Variants in DPY19L3 observed in about 807,000 individuals in gnomAD.
DPY19L3 encodes the protein dpy-19 like C-mannosyltransferase 3, also known as protein C-mannosyl-transferase DPY19L3.
A neutral mutation model predicts 92.3 loss-of-function variants in DPY19L3; 51 were observed. The observed-to-expected ratio is 0.55, with a 90% CI of 0.44 to 0.70. The LOEUF (loss-of-function observed/expected upper bound fraction) is 0.70, where lower values mean the gene tolerates loss of function less well. Among genes scored for constraint, DPY19L3 ranks in the 30% least tolerant of loss-of-function variants. The pLI, the probability that DPY19L3 is intolerant of heterozygous loss-of-function variation, is 0.00. For missense variants in DPY19L3, 706 were observed against 855.9 expected (o/e 0.82, Z 2.18); for synonymous variants, 309 against 315.2 (o/e 0.98, Z 0.21).
In DPY19L3 at chr19:32,454,971, G is replaced by T; in HGVS notation, c.1020G>T (p.Arg340Ser). 1.3e-6 allele frequency: 2 copies of T among 1,571,694 alleles called. No individual in the cohort carries two copies. The highest frequency in any genetic ancestry group is 1.2e-5 in the South Asian group (1 of 82,558). ...KNLKTGSFLN[R>S]LGKLLLHLFM... ...TGAAAACTGGAAGCTTCCTTAATAG[G>T]CTTGGGAAACTTTTGTTACATTTAT... Residue 340 changes from arginine (R) to serine (S), a missense_variant, in exon 10 of 19, where the codon AGG becomes AGT. Arg to Ser is a moderately radical substitution (Grantham distance 110). Coordinates refer to ENST00000392250, the MANE Select transcript of DPY19L3 (RefSeq NM_001172774.2).
At chr19:32,458,258 A>G in intron 11 of DPY19L3, 85 bp downstream of exon 11, 6 of 1,579,268 alleles carry the variant, frequency 3.8e-6, no homozygotes, top group Non-Finnish European at 5.2e-6. Context: ...TGTGCCTTCA[A>G]CTATTAATTG....
intron 8 of DPY19L3, among the ~76,000 whole-genome samples, chr19:32,448,806 C>G (rs987110746): frequency 6.6e-6 from 1 of 152,168 alleles, no homozygotes; most frequent in Admixed American, 6.5e-5. Flanking sequence ...TGTTTCTATA[C>G]TGTACTGTAC....
chr19:32,452,105 C>T (rs1007736234), intron 8 of DPY19L3, among the ~76,000 whole-genome samples: 5 of 152,196 alleles, frequency 3.3e-5, no homozygotes. Context: ...GGATTACAGG[C>T]ATTAGCCACC....
chr19:32,463,987 G>A lies in DPY19L3; in HGVS notation c.1557+7G>A. On this transcript the variant is annotated splice_region_variant and intron_variant, in intron 14 of 18. Transcript: ENST00000392250. Reference sequence around the variant, plus strand: ...TCTTTATAACCCAAAGAGGGTCAGTGTCATCCCTTTTTCCATCTCCTTTTA... The same window carrying A: ...TCTTTATAACCCAAAGAGGGTCAGTATCATCCCTTTTTCCATCTCCTTTTA... The A allele has an allele frequency of 6.3e-7, 1 of 1,581,264 alleles. No homozygotes were observed. Among genetic ancestry groups the A allele is most frequent in the Non-Finnish European group, 8.7e-7 (1 of 1,155,422 alleles).
At chr19:32,446,390 A>G (rs1465974495) in intron 8 of DPY19L3, among the ~76,000 whole-genome samples, 6 of 152,236 alleles carry the variant, frequency 3.9e-5, no homozygotes, top group African/African-American at 1.4e-4. Context: ...AGCAATAATT[A>G]CATTAAAGGT....
chr19:32,431,456 A>G (rs1375545434), intron 3 of DPY19L3, among the ~76,000 whole-genome samples: 1 of 151,778 alleles, frequency 6.6e-6, no homozygotes, highest in Non-Finnish European at 1.5e-5. Context: ...TTTTGTTTTT[A>G]ACACTGGTGT....
At chr19:32,463,224 C>T in intron 12 of DPY19L3, 142 bp from the exon 13 acceptor site, 1 of 888,708 alleles carries the variant, frequency 1.1e-6, no homozygotes, top group Non-Finnish European at 1.7e-6. Context: ...CAAAATTGAT[C>T]AATGCGAATT....
intron 12 of DPY19L3, among the ~76,000 whole-genome samples, chr19:32,460,706 G>A (rs1051812072): frequency 6.6e-5 from 10 of 152,156 alleles, no homozygotes; most frequent in Non-Finnish European, 8.8e-5. Context: ...TGTGGTATGT[G>A]CGATCTGTTG....
chr19:32,432,604 T>A, intron 3 of DPY19L3, 112 bp from the exon 4 acceptor site: 1 of 851,500 alleles, frequency 1.2e-6, no homozygotes. Flanking sequence ...TGAGACTATA[T>A]TTTCAGAGTT....
chr19:32,437,280 G>A lies in DPY19L3; in HGVS notation c.537G>A (p.Trp179Ter), dbSNP rs982828130. 6.2e-7 allele frequency: 1 copy of A among 1,614,102 alleles called. No individual in the cohort carries two copies. Among genetic ancestry groups the A allele is most frequent in the Non-Finnish European group, 8.5e-7 (1 of 1,180,006 alleles). Reference sequence around the variant, plus strand: ...TCACAGCTCTCTACATAACCAGCTGGCTACTCAGTGGTACATGGCTGTCAG... The same window carrying A: ...TCACAGCTCTCTACATAACCAGCTGACTACTCAGTGGTACATGGCTGTCAG... ...IYVTALYITS[W>*]LLSGTWLSGL... is the part of the protein sequence containing the mutation. The change falls in exon 6 of 19, where the codon TGG (tryptophan) becomes TGA (stop). Residue 179 changes from tryptophan to a stop codon, truncating the protein, a stop_gained. Coordinates refer to ENST00000392250, the MANE Select transcript of DPY19L3 (RefSeq NM_001172774.2). LOFTEE classifies it high-confidence loss of function.
At chr19:32,464,985 G>A (rs908951044) in intron 15 of DPY19L3, among the ~76,000 whole-genome samples, 9 of 152,142 alleles carry the variant, frequency 5.9e-5, no homozygotes, top group African/African-American at 1.7e-4. Context: ...ACATGATAGC[G>A]AAAACTACTA....
intron 3 of DPY19L3, among the ~76,000 whole-genome samples, chr19:32,432,020 T>A (rs1279799304): frequency 6.6e-6 from 1 of 152,236 alleles, no homozygotes; most frequent in African/African-American, 2.4e-5. Context: ...AGGTTAGGGC[T>A]GCTCAACCTA....
chr19:32,430,078 G>C (rs78901697), intron 3 of DPY19L3, among the ~76,000 whole-genome samples: 1 of 152,106 alleles, frequency 6.6e-6, no homozygotes, highest in Non-Finnish European at 1.5e-5. Context: ...TTTTTATAAC[G>C]CAAGTGTGTT....
At chr19:32,446,715 G>C (rs1969511253) in intron 8 of DPY19L3, among the ~76,000 whole-genome samples, 1 of 152,148 alleles carries the variant, frequency 6.6e-6, no homozygotes, top group African/African-American at 2.4e-5. Context: ...CAACGTGTGT[G>C]GGGCAAAAAC....
chr19:32,445,882 TC>T (rs1444391020), intron 8 of DPY19L3, among the ~76,000 whole-genome samples: 1 of 152,004 alleles, frequency 6.6e-6, no homozygotes, highest in Non-Finnish European at 1.5e-5. Context: ...GTGCCTGTAA[TC>T]CCAGCTACTC....
intron 6 of DPY19L3, 142 bp downstream of exon 6, chr19:32,437,481 C>T: frequency 1.1e-6 from 1 of 940,544 alleles, no homozygotes; most frequent in Non-Finnish European, 1.5e-6. Context: ...GTGGTTTACT[C>T]AATTTTTCTT....
chr19:32,407,592 G>T (rs1487048498), intron 1 of DPY19L3, among the ~76,000 whole-genome samples: 1 of 152,176 alleles, frequency 6.6e-6, no homozygotes, highest in Non-Finnish European at 1.5e-5. Context: ...TATGGCTCAG[G>T]GAGGGAGAAG....
At chr19:32,405,993 C>G (rs1285289890) in intron 1 of DPY19L3, 84 bp downstream of exon 1, 9 of 151,200 alleles carry the variant, frequency 6.0e-5, no homozygotes, top group Non-Finnish European at 1.2e-4. Context: ...GCTACAGCCC[C>G]GAGCCCCTGG....
At chr19:32,442,366 A>G (rs1360428381) in intron 8 of DPY19L3, among the ~76,000 whole-genome samples, 1 of 152,208 alleles carries the variant, frequency 6.6e-6, no homozygotes, top group Non-Finnish European at 1.5e-5. Flanking sequence ...AGTTTTCTTA[A>G]TCTATTGTGG....
Sources: allele counts gnomAD v4.1 joint callset (sites outside exome capture counted in the v4.1 genomes callset), GRCh38; gene constraint gnomAD v4.1.1; transcripts MANE v1.5; gene names NCBI Gene and HGNC (gene_info 2026-07-23, HGNC 2026-07-21).